SNN: variants seen among roughly 807,000 people sequenced by gnomAD.
SNN encodes AG8_1.
A neutral mutation model predicts 5.3 loss-of-function variants in SNN; 5 were observed. The ratio of observed to expected loss-of-function variants is 0.94; its 90% CI spans 0.49 to 1.97. The LOEUF is 1.97. Among genes scored for constraint, SNN ranks in the 30% most tolerant of loss-of-function variants. The pLI is 0.01. For missense variants in SNN, 127 were observed against 121.6 expected (o/e 1.04, Z -0.21); for synonymous variants, 67 against 52.1 (o/e 1.29, Z -1.24).
Position 11,676,628 on chromosome 16 carries a change from C to T in SNN, c.*302C>T. 1 of 406,728 alleles carries T rather than the reference C, an allele frequency of 2.5e-6. No homozygotes were observed. Among genetic ancestry groups the T allele is most frequent in the South Asian group, 4.7e-5 (1 of 21,480 alleles). 25.2% of individuals were successfully genotyped at this position (406,728 alleles called of 1,614,324 possible). ...GAGCCTGTTTTTGATGGAGCTACTA[C>T]TGTAATGCGTGAACTAACAAACCTG... On this transcript the variant is annotated 3_prime_UTR_variant, in exon 2 of 2. Coordinates refer to ENST00000329565, the MANE Select transcript of SNN (RefSeq NM_003498.6).
chr16:11,676,246 G>A lies in SNN; in HGVS notation c.187G>A (p.Val63Met), dbSNP rs1161266931. 6.2e-7 allele frequency: 1 copy of A among 1,614,116 alleles called. No homozygotes were observed. The highest frequency in any genetic ancestry group is 1.3e-5 in the African/African-American group (1 of 74,942). The change falls in exon 2 of 2, where the codon GTG (valine) becomes ATG (methionine). Residue 63 changes from valine to methionine, a missense_variant. Coordinates refer to ENST00000329565, the MANE Select transcript of SNN (RefSeq NM_003498.6). ...DGETKEPFLL[V>M]QYSAKGPCVE... ...GGAGACCAAGGAACCCTTCCTGCTG[G>A]TGCAGTATTCGGCCAAGGGACCGTG...
At chr16:11,669,630 T>C (rs1488573248) in intron 1 of SNN, among the ~76,000 whole-genome samples, 1 of 152,242 alleles carries the variant, frequency 6.6e-6, no homozygotes, top group Non-Finnish European at 1.5e-5. Flanking sequence ...TTTATCTCAG[T>C]GTCTGGCACA....
At chr16:11,669,497 T>G (rs1401191249) in intron 1 of SNN, among the ~76,000 whole-genome samples, 1 of 152,232 alleles carries the variant, frequency 6.6e-6, no homozygotes, top group East Asian at 1.9e-4. Flanking sequence ...TTTTGAGCTG[T>G]GTGACCTTGG....
intron 1 of SNN, among the ~76,000 whole-genome samples, chr16:11,670,244 C>T (rs28448556): frequency 0.019 from 2,892 of 151,798 alleles, 96 homozygotes; most frequent in African/African-American, 0.067. Context: ...CTGAAAGCCC[C>T]GTAGGGATGG....
At chr16:11,670,193 G>C (rs1006823516) in intron 1 of SNN, among the ~76,000 whole-genome samples, 8 of 151,946 alleles carry the variant, frequency 5.3e-5, no homozygotes, top group South Asian at 4.1e-4. Context: ...TGAAGAGTTT[G>C]TTGGCACCCT....
At chr16:11,670,840 G>C (rs1406319049) in intron 1 of SNN, among the ~76,000 whole-genome samples, 4 of 152,246 alleles carry the variant, frequency 2.6e-5, no homozygotes, top group African/African-American at 9.6e-5. Context: ...TCCTGGGAGG[G>C]AGAGCAGGAC....
chr16:11,674,367 G>A (rs961137838), intron 1 of SNN, among the ~76,000 whole-genome samples: 1 of 152,228 alleles, frequency 6.6e-6, no homozygotes, highest in African/African-American at 2.4e-5. Context: ...GGACTCCAGA[G>A]AACCTGCCAG....
intron 1 of SNN, among the ~76,000 whole-genome samples, chr16:11,674,235 C>G (rs372524005): frequency 3.3e-5 from 5 of 152,232 alleles, no homozygotes; most frequent in East Asian, 1.9e-4. Context: ...GCCGACCGCA[C>G]GCCCAGTCCT....
chr16:11,677,108 A>G lies in SNN; in HGVS notation c.*782A>G, dbSNP rs1482820527. 1 of 167,122 alleles carries G rather than the reference A, an allele frequency of 6.0e-6. No individual in the cohort carries two copies. Among genetic ancestry groups the G allele is most frequent in the Non-Finnish European group, 1.5e-5 (1 of 68,158 alleles). 10.4% of individuals were successfully genotyped at this position (167,122 alleles called of 1,614,324 possible). On this transcript the variant is annotated 3_prime_UTR_variant, in exon 2 of 2. Coordinates refer to ENST00000329565, the MANE Select transcript of SNN (RefSeq NM_003498.6). The surrounding 1 kb of genome is among the most constrained non-coding windows in gnomAD (Gnocchi z 4.2). ...GAGGCTGCCAGCGTCCTTGTAGCAGAGCAGTTTCTTGCCGCTTGGGTCTTC... is the reference window on the plus strand; with the variant it reads ...GAGGCTGCCAGCGTCCTTGTAGCAGGGCAGTTTCTTGCCGCTTGGGTCTTC...
At position 11,671,922 on chromosome 16, in the gene SNN, G is replaced by A. The variant is rs913809002; in HGVS notation, c.-86+3382G>A. Among the ~76,000 whole-genome samples the A allele has an allele frequency of 4.6e-5, 7 of 152,170 alleles. No individual in the cohort carries two copies. Among genetic ancestry groups the A allele is most frequent in the African/African-American group, 1.7e-4 (7 of 41,436 alleles). On this transcript the variant is annotated intron_variant, in intron 1 of 1. Transcript: ENST00000329565. The surrounding 1 kb of genome is among the most constrained non-coding windows in gnomAD (Gnocchi z 4.7). Reference sequence around the variant, plus strand: ...GCATGGAGCCAGCTGCCCTTCCATGGGCTCAGGCCTGCCCTAATCCACTGG... The same window carrying A: ...GCATGGAGCCAGCTGCCCTTCCATGAGCTCAGGCCTGCCCTAATCCACTGG...
At chr16:11,670,397 G>A (rs2050259535) in intron 1 of SNN, among the ~76,000 whole-genome samples, 2 of 152,182 alleles carry the variant, frequency 1.3e-5, no homozygotes, top group African/African-American at 4.8e-5. Flanking sequence ...GAGGCAGCGT[G>A]TCCCTGGGGA....
intron 1 of SNN, among the ~76,000 whole-genome samples, chr16:11,669,370 C>A (rs1485422036): frequency 2.6e-5 from 4 of 152,260 alleles, no homozygotes; most frequent in African/African-American, 9.6e-5. Flanking sequence ...GTTCACCTGT[C>A]CGCGGCCCCT....
chr16:11,670,222 G>T (rs1243459479), intron 1 of SNN, among the ~76,000 whole-genome samples: 1 of 152,152 alleles, frequency 6.6e-6, no homozygotes, highest in African/African-American at 2.4e-5. Flanking sequence ...GGCTTTATGG[G>T]GGGAGGCAGT....
chr16:11,669,137 G>C (rs543922718), intron 1 of SNN, among the ~76,000 whole-genome samples: 1 of 152,298 alleles, frequency 6.6e-6, no homozygotes, highest in East Asian at 1.9e-4. Flanking sequence ...CCCCTGGGCC[G>C]AGCCCCCTCC....
At chr16:11,674,894 C>T (rs965300671) in intron 1 of SNN, among the ~76,000 whole-genome samples, 6 of 152,202 alleles carry the variant, frequency 3.9e-5, no homozygotes, top group African/African-American at 1.4e-4. Flanking sequence ...GGGGTACTAA[C>T]CAGTTACAGT....
In SNN at chr16:11,678,595, G is replaced by A. The variant is rs1343042933; in HGVS notation, c.*2269G>A. The A allele has an allele frequency of 6.0e-6, 1 of 167,140 alleles. No individual in the cohort carries two copies. The highest frequency in any genetic ancestry group is 1.5e-5 in the Non-Finnish European group (1 of 68,250). The allele number at this position is 167,140 out of a possible 1,614,324, so 10.4% of individuals were successfully genotyped here. A position where few individuals can be genotyped will look rare whatever the true frequency, so the allele number is the denominator to read the frequency against. The stretch of plus-strand genomic sequence containing the variant: ...TTTCTTATCCTACTCCCTGGTGCCA[G>A]GGACGTACCTGGGAGTTTGAATCAG... On this transcript the variant is annotated 3_prime_UTR_variant, in exon 2 of 2. Coordinates refer to ENST00000329565, the MANE Select transcript of SNN (RefSeq NM_003498.6).
chr16:11,676,063 T>A lies in SNN; in HGVS notation c.4T>A (p.Ser2Thr). 1 of 1,598,812 alleles carries A rather than the reference T, an allele frequency of 6.3e-7. No homozygotes were observed. Among genetic ancestry groups the A allele is most frequent in the East Asian group, 2.2e-5 (1 of 44,602 alleles). ...GAGGAAGCCCCCAGCACTGACCATG[T>A]CTATTATGGACCACAGCCCCACCAC... MSIMDHSPTTGV... is the reference protein window; with the variant it reads MTIMDHSPTTGV... The change falls in exon 2 of 2, where the codon TCT (serine) becomes ACT (threonine). Residue 2 changes from serine (S) to threonine (T), a missense_variant. Coordinates refer to ENST00000329565, the MANE Select transcript of SNN (RefSeq NM_003498.6).
chr16:11,676,444 C>G lies in SNN; in HGVS notation c.*118C>G. On this transcript the variant is annotated 3_prime_UTR_variant, in exon 2 of 2. Coordinates refer to ENST00000329565, the MANE Select transcript of SNN (RefSeq NM_003498.6). ...GGGCTGACACTTGCTGGCATGGCCTCTGCGGGCTTCGTCATCGCATGCACT... is the reference window on the plus strand; with the variant it reads ...GGGCTGACACTTGCTGGCATGGCCTGTGCGGGCTTCGTCATCGCATGCACT... The G allele has an allele frequency of 7.8e-7, 1 of 1,286,410 alleles. No homozygotes were observed. The highest frequency in any genetic ancestry group is 1.5e-5 in the South Asian group (1 of 68,358). 79.7% of individuals were successfully genotyped at this position (1,286,410 alleles called of 1,614,324 possible).
At position 11,677,940 on chromosome 16, in the gene SNN, G is replaced by A. The variant is rs1035810934; in HGVS notation, c.*1614G>A. 2 of 167,154 alleles carry A rather than the reference G, an allele frequency of 1.2e-5. No homozygotes were observed. The highest frequency in any genetic ancestry group is 2.9e-5 in the Non-Finnish European group (2 of 68,154). The allele number at this position is 167,154 out of a possible 1,614,324, so 10.4% of individuals were successfully genotyped here. ...CCCGAGGCGGGAGAAGTAGGGAGCT[G>A]TTCGTTTAAGCAGCATACACCTAAA... On this transcript the variant is annotated 3_prime_UTR_variant, in exon 2 of 2. Transcript: ENST00000329565. The surrounding 1 kb of genome is among the most constrained non-coding windows in gnomAD (Gnocchi z 4.2).
Sources: allele counts gnomAD v4.1 joint callset (sites outside exome capture counted in the v4.1 genomes callset), GRCh38; gene constraint gnomAD v4.1.1; non-coding constraint Gnocchi (gnomAD v3.1); transcripts MANE v1.5; gene names NCBI Gene and HGNC (gene_info 2026-07-23, HGNC 2026-07-21).